Variants in SPAG17 observed in about 807,000 individuals in gnomAD.
The protein encoded by SPAG17 is sperm-associated antigen 17.
A neutral mutation model predicts 273.6 loss-of-function variants in SPAG17; 169 were observed. The observed-to-expected ratio is 0.62, with a 90% CI of 0.55 to 0.70. The LOEUF (loss-of-function observed/expected upper bound fraction) is 0.70. Among genes scored for constraint, SPAG17 ranks in the 30% least tolerant of loss-of-function variants. The probability of loss-of-function intolerance (pLI) is 0.00; values close to 1 mark genes in which losing one functional copy is unlikely to be tolerated. For synonymous variants in SPAG17, 825 were observed against 873.2 expected (o/e 0.94, Z 0.97); for missense variants, 2,557 against 2,627.8 (o/e 0.97, Z 0.59).
chr1:118,182,875 T>C (rs1234874504), intron 1 of SPAG17, among the ~76,000 whole-genome samples: 1 of 152,206 alleles, frequency 6.6e-6, no homozygotes, highest in Non-Finnish European at 1.5e-5. Context: ...ATTTAATCAT[T>C]TAGTGCTTAG....
intron 17 of SPAG17, among the ~76,000 whole-genome samples, chr1:118,073,595 C>T (rs766669860): frequency 9.2e-5 from 14 of 152,068 alleles, no homozygotes; most frequent in Non-Finnish European, 1.9e-4. Context: ...TATATATATG[C>T]AGCAGTCTTG....
chr1:118,051,958 T>A (rs1418588182), intron 20 of SPAG17, among the ~76,000 whole-genome samples: 1 of 137,442 alleles, frequency 7.3e-6, no homozygotes, highest in Non-Finnish European at 1.5e-5. Context: ...ATACATATAT[T>A]ACATTATGTA....
chr1:118,175,025 T>C (rs567973463), intron 1 of SPAG17, among the ~76,000 whole-genome samples: 12 of 192 alleles, frequency 0.062, no homozygotes, highest in Non-Finnish European at 0.2. Flanking sequence ...GGGACTCTTA[T>C]TTATTTATTT....
At chr1:117,963,612 C>T (rs1367434469) in intron 48 of SPAG17, 187 bp downstream of exon 48, 2 of 410,886 alleles carry the variant, frequency 4.9e-6, no homozygotes, top group African/African-American at 2.0e-5. Context: ...GATCCACCCA[C>T]CTCGGCCTCC....
At chr1:117,967,316 A>G (rs1038420824) in intron 46 of SPAG17, among the ~76,000 whole-genome samples, 2 of 151,734 alleles carry the variant, frequency 1.3e-5, no homozygotes, top group Non-Finnish European at 2.9e-5. Context: ...AAAAAAAAAA[A>G]AAATTCATCT....
At position 117,973,470 on chromosome 1, in the gene SPAG17, A is replaced by C. The variant is rs1654791901; in HGVS notation, c.6096T>G (p.Pro2032=). 6.2e-7 allele frequency: 1 copy of C among 1,613,906 alleles called. No homozygotes were observed. Among genetic ancestry groups the C allele is most frequent in the African/African-American group, 1.3e-5 (1 of 74,930 alleles). ...TAGGCTTGGAACTCAGCAAATAATG[A>C]GGCAACTTCACTTTTTCTTTTCTTG... ...GQTRKEKVKL[P]HYLLSSKPKS... is the part of the protein sequence containing the mutation. The change falls in exon 44 of 49, where the codon CCT becomes CCG. Residue 2032 remains proline, a synonymous_variant. Transcript: ENST00000336338.
Position 118,101,887 on chromosome 1 carries a change from T to C in SPAG17, c.487A>G (p.Lys163Glu), listed in dbSNP as rs997768432. Residue 163 changes from lysine to glutamate, a missense_variant, in exon 5 of 49, where the codon AAA becomes GAA. Transcript: ENST00000336338. Reference sequence around the variant, plus strand: ...TTTTTCTCCTTGGGAGATTTTGCTTTCCCTTTATCCTTTTCTAACTTAGGT... The same window carrying C: ...TTTTTCTCCTTGGGAGATTTTGCTTCCCCTTTATCCTTTTCTAACTTAGGT... ...DKPKLEKDKG[K>E]AKSPKEKKAP... is the part of the protein sequence containing the mutation. 3.1e-6 allele frequency: 5 copies of C among 1,613,438 alleles called. No individual in the cohort carries two copies. In the African/African-American group the frequency reaches 6.7e-5, roughly 22 times the overall value.
At chr1:118,035,196 G>A (rs926598556) in intron 24 of SPAG17, among the ~76,000 whole-genome samples, 1 of 151,964 alleles carries the variant, frequency 6.6e-6, no homozygotes, top group Non-Finnish European at 1.5e-5. Flanking sequence ...CATATAGGAT[G>A]TAAAATGTTA....
At chr1:118,014,121 G>A (rs1167805639) in intron 29 of SPAG17, among the ~76,000 whole-genome samples, 1 of 152,120 alleles carries the variant, frequency 6.6e-6, no homozygotes, top group Non-Finnish European at 1.5e-5. Context: ...GTGTGACCTT[G>A]GGCAAATTAC....
At chr1:118,089,332 C>CATGTGTGTGTGTGTGTGT (rs374495998) in intron 10 of SPAG17, among the ~76,000 whole-genome samples, 1 of 135,882 alleles carries the variant, frequency 7.4e-6, no homozygotes, top group South Asian at 2.6e-4. Context: ...ATGTAGATGA[C>CATGTGTGTGTGTGTGTGT]GTGTGTGTGT....
chr1:118,013,314 A>G (rs1659655320), intron 29 of SPAG17, among the ~76,000 whole-genome samples: 1 of 152,220 alleles, frequency 6.6e-6, no homozygotes. Context: ...TATTGGGAGC[A>G]GGTGATTTTC....
At chr1:118,103,815 T>C (rs573468560) in intron 4 of SPAG17, among the ~76,000 whole-genome samples, 2 of 138,492 alleles carry the variant, frequency 1.4e-5, no homozygotes, top group African/African-American at 5.3e-5. Context: ...GCAAGAGTCA[T>C]ACACATGAGA....
At chr1:118,014,657 G>A (rs1228379246) in intron 29 of SPAG17, among the ~76,000 whole-genome samples, 1 of 152,196 alleles carries the variant, frequency 6.6e-6, no homozygotes, top group African/African-American at 2.4e-5. Flanking sequence ...TTAATAGCAA[G>A]CTGGCATTTT....
intron 18 of SPAG17, among the ~76,000 whole-genome samples, chr1:118,066,435 A>G (rs1217493457): frequency 6.6e-6 from 1 of 152,192 alleles, no homozygotes; most frequent in East Asian, 1.9e-4. Flanking sequence ...TTCCTACTTG[A>G]AATCTTTTGG....
chr1:118,008,148 T>C lies in SPAG17; in HGVS notation c.4483A>G (p.Ser1495Gly). The change falls in exon 31 of 49, where the codon AGC (serine) becomes GGC (glycine). Residue 1495 changes from serine to glycine, a missense_variant. By Grantham distance (56) the Ser-to-Gly change is moderately conservative (BLOSUM62 0). Transcript: ENST00000336338. ...GCGATAACAGTGGCATAGCGTGAGC[T>C]TTCTACCCGCATACACTTCACCTGC... ...TRQVKCMRVE[S>G]SRYATVIANC... The C allele has an allele frequency of 6.2e-7, 1 of 1,614,038 alleles. No homozygotes were observed. The highest frequency in any genetic ancestry group is 8.5e-7 in the Non-Finnish European group (1 of 1,179,980).
rs1292876885 is a variant in SPAG17 at position 117,997,482 on chromosome 1, G to A, written c.4777-739C>T. On this transcript the variant is annotated intron_variant, in intron 32 of 48. Transcript: ENST00000336338. ...TTATCTACATATCAAAACAAAGTTA[G>A]GAATTCTGTTGTATAACTCCAAATC... is the stretch of plus-strand genomic sequence containing the variant. Among the ~76,000 whole-genome samples, 3 of 150,508 alleles carry A rather than the reference G, an allele frequency of 2.0e-5. No individual in the cohort carries two copies. The South Asian group carries it at 6.3e-4, about 32-fold the overall frequency.
At chr1:118,049,595 C>A (rs1650767138) in intron 20 of SPAG17, among the ~76,000 whole-genome samples, 1 of 152,160 alleles carries the variant, frequency 6.6e-6, no homozygotes, top group Admixed American at 6.5e-5. Context: ...AATGTCCGTG[C>A]TACCCAAAGT....
chr1:117,954,499 A>T, intron 48 of SPAG17: 1 of 1,367,310 alleles, frequency 7.3e-7, no homozygotes, highest in Non-Finnish European at 1.0e-6. Flanking sequence ...AAATTATAAA[A>T]TACAGTTACC....
At chr1:118,024,635 G>C (rs1024691698) in intron 27 of SPAG17, among the ~76,000 whole-genome samples, 3 of 151,666 alleles carry the variant, frequency 2.0e-5, no homozygotes, top group African/African-American at 7.3e-5. Flanking sequence ...GTGATCACTG[G>C]GGAAGGAAAG....
Sources: allele counts gnomAD v4.1 joint callset (sites outside exome capture counted in the v4.1 genomes callset), GRCh38; gene constraint gnomAD v4.1.1; transcripts MANE v1.5; gene names NCBI Gene and HGNC (gene_info 2026-07-23, HGNC 2026-07-21).